Variants in DNAH10 observed in about 807,000 individuals in gnomAD.
The protein encoded by DNAH10 is dynein axonemal heavy chain 10, also known as axonemal beta dynein heavy chain 10.
Under a neutral mutation model 506.6 loss-of-function variants are expected in DNAH10, and 348 were observed. The observed-to-expected ratio is 0.69, with a 90% CI of 0.63 to 0.75. The LOEUF is 0.75. Among genes scored for constraint, DNAH10 ranks in the 30% least tolerant of loss-of-function variants. DNAH10 has a pLI of 0.00. For missense variants in DNAH10, 5,179 were observed against 5,787.1 expected (o/e 0.89, Z 3.41); for synonymous variants, 2,059 against 2,198.6 (o/e 0.94, Z 1.78).
Position 123,841,361 on chromosome 12 carries a change from G to A in DNAH10, c.5176G>A (p.Asp1726Asn), listed in dbSNP as rs774475588. 8 of 1,613,888 alleles carry A rather than the reference G, an allele frequency of 5.0e-6. No individual in the cohort carries two copies. Among genetic ancestry groups the A allele is most frequent in the South Asian group, 1.1e-5 (1 of 91,082 alleles). The change falls in exon 30 of 79, where the codon GAT (aspartate) becomes AAT (asparagine). Residue 1726 changes from aspartate to asparagine, a missense_variant. Physicochemically the swap from Asp to Asn is conservative, Grantham distance 23. This residue lies in a region of DNAH10 where 4,844 missense variants were observed against 5,430.5 expected (regional missense o/e 0.89). Transcript: ENST00000673944. ...NIASLRFNDG[D>N]SGEKLVSAMI... The stretch of plus-strand genomic sequence containing the variant: ...AGCATCACTGAGGTTTAATGACGGC[G>A]ATAGTGGAGAAAAACTGGTGTCCGC...
intron 37 of DNAH10, among the ~76,000 whole-genome samples, chr12:123,857,463 C>T (rs1951441093): frequency 6.6e-6 from 1 of 152,244 alleles, no homozygotes. Context: ...GGCACAGTGG[C>T]TTACGCCTGT....
chr12:123,931,208 C>T (rs569752208), intron 73 of DNAH10, 133 bp from the exon 74 acceptor site: 1 of 1,292,344 alleles, frequency 7.7e-7, no homozygotes, highest in Admixed American at 2.8e-5. Flanking sequence ...AAGACCCTGT[C>T]TCAAAAAAAA....
At chr12:123,859,345 TC>T in intron 38 of DNAH10, 77 bp downstream of exon 38, 1 of 1,185,812 alleles carries the variant, frequency 8.4e-7, no homozygotes, top group Non-Finnish European at 1.1e-6. Context: ...TATTACCAAG[TC>T]CCACTTTGCT....
At chr12:123,867,100 G>T (rs1466833522) in intron 41 of DNAH10, among the ~76,000 whole-genome samples, 1 of 152,328 alleles carries the variant, frequency 6.6e-6, no homozygotes, top group East Asian at 1.9e-4. Flanking sequence ...GTGGTGATTG[G>T]TGCTTTGATA....
chr12:123,793,837 G>T (rs1958177410), intron 11 of DNAH10, 105 bp from the exon 12 acceptor site: 1 of 929,386 alleles, frequency 1.1e-6, no homozygotes, highest in Non-Finnish European at 1.4e-6. Context: ...TTATGCCATA[G>T]AAATCTGTCC....
chr12:123,891,324 C>CA (rs1325015112), intron 52 of DNAH10, among the ~76,000 whole-genome samples: 1 of 152,174 alleles, frequency 6.6e-6, no homozygotes, highest in Non-Finnish European at 1.5e-5. Flanking sequence ...TCTGTAAAGA[C>CA]AATTTCCAAA....
rs1956875519 is a variant in DNAH10 at position 123,762,750 on chromosome 12, C to A, written c.214+200C>A. ...CGTCCCTGCCCTCCTGGGCCCACAG[C>A]CCACTTGAAAGTCAGGCCTTGATTG... On this transcript the variant is annotated intron_variant, in intron 1 of 78. Coordinates refer to ENST00000673944, the MANE Select transcript of DNAH10 (RefSeq NM_001372106.1). The surrounding 1 kb of genome is among the most constrained non-coding windows in gnomAD (Gnocchi z 5.0). 6.6e-6 allele frequency among the ~76,000 whole-genome samples: 1 copy of A among 152,240 alleles called. No individual in the cohort carries two copies. Among genetic ancestry groups the A allele is most frequent in the African/African-American group, 2.4e-5 (1 of 41,470 alleles).
At chr12:123,772,437 A>G (rs1385160555) in intron 3 of DNAH10, among the ~76,000 whole-genome samples, 1 of 152,218 alleles carries the variant, frequency 6.6e-6, no homozygotes, top group African/African-American at 2.4e-5. Context: ...AGACCTGCTA[A>G]ATGAACCCTG....
Position 123,848,118 on chromosome 12 carries a change from G to T in DNAH10, c.5949+23G>T, listed in dbSNP as rs189111455. ...AGGGTAAGGCCTGGCTGTCACCTTTGGTACTGGCTCATTAGGCAGAGAGCT... is the reference window on the plus strand; with the variant it reads ...AGGGTAAGGCCTGGCTGTCACCTTTTGTACTGGCTCATTAGGCAGAGAGCT... On this transcript the variant is annotated intron_variant, in intron 33 of 78. Coordinates refer to ENST00000673944, the MANE Select transcript of DNAH10 (RefSeq NM_001372106.1). 4.4e-4 allele frequency: 709 copies of T among 1,602,462 alleles called. No individual in the cohort carries two copies. In the African/African-American group the frequency reaches 8.3e-3, roughly 19 times the overall value.
chr12:123,898,618 C>T, intron 55 of DNAH10, 35 bp from the exon 56 acceptor site: 2 of 1,470,754 alleles, frequency 1.4e-6, no homozygotes, highest in Non-Finnish European at 1.8e-6. Context: ...ACAGTGGCCA[C>T]CTCGACGATG....
intron 16 of DNAH10, among the ~76,000 whole-genome samples, chr12:123,802,372 C>G (rs899854914): frequency 6.6e-6 from 1 of 152,170 alleles, no homozygotes; most frequent in Non-Finnish European, 1.5e-5. Context: ...GTGGGGCAAT[C>G]TCAGCTCACT....
chr12:123,865,906 C>T, intron 40 of DNAH10, 45 bp from the exon 41 acceptor site: 1 of 1,529,374 alleles, frequency 6.5e-7, no homozygotes, highest in Non-Finnish European at 8.8e-7. Context: ...TCTAGTTTAT[C>T]TTGTGTATAG....
intron 52 of DNAH10, among the ~76,000 whole-genome samples, chr12:123,891,812 C>T (rs962642836): frequency 1.3e-5 from 2 of 152,162 alleles, no homozygotes; most frequent in African/African-American, 4.8e-5. Context: ...TGAGTCATTA[C>T]AGCAAAAGGA....
chr12:123,787,921 GTGGGAGTT>G lies in DNAH10; in HGVS notation c.1542_1549del (p.Trp514Ter). The G allele has an allele frequency of 6.2e-7, 1 of 1,610,020 alleles. No individual in the cohort carries two copies. Among genetic ancestry groups the G allele is most frequent in the Non-Finnish European group, 8.5e-7 (1 of 1,178,326 alleles). On this transcript the variant is annotated frameshift_variant, in exon 10 of 79. Transcript: ENST00000673944. LOFTEE classifies it high-confidence loss of function. The surrounding 1 kb of genome is among the most constrained non-coding windows in gnomAD (Gnocchi z 4.6). ...TAGAGGCTTCGGGGAGGGAAGATCG[GTGGGAGTT>G]TGACCGGAAGCGGCTGTTCGAGAGG...
At chr12:123,783,799 T>C (rs552783180) in intron 7 of DNAH10, 148 bp from the exon 8 acceptor site, 1 of 671,788 alleles carries the variant, frequency 1.5e-6, no homozygotes, top group African/African-American at 1.8e-5. Context: ...TTCACTATGA[T>C]TGGACCACCC....
At chr12:123,874,598 T>A (rs12582169) in intron 46 of DNAH10, among the ~76,000 whole-genome samples, 9 of 139,972 alleles carry the variant, frequency 6.4e-5, no homozygotes, top group Non-Finnish European at 1.3e-4. Flanking sequence ...CATCCATCCA[T>A]CCATCTACCC....
In DNAH10 at chr12:123,787,796, C is replaced by T. The variant is rs760505364; in HGVS notation, c.1422-8C>T. On this transcript the variant is annotated splice_polypyrimidine_tract_variant and splice_region_variant and intron_variant, in intron 9 of 78. Transcript: ENST00000673944. The surrounding 1 kb of genome is among the most constrained non-coding windows in gnomAD (Gnocchi z 4.6). ...CTCCTCCCATCACGGCATCTCTTGG[C>T]TTCGCAGAGAAAATCGAGCGAGTGC... The T allele has an allele frequency of 3.1e-6, 5 of 1,612,280 alleles. No individual in the cohort carries two copies. The South Asian group carries it at 5.5e-5, about 18-fold the overall frequency.
At position 123,913,009 on chromosome 12, in the gene DNAH10, G is replaced by A. The variant is rs1954299104; in HGVS notation, c.10135-89G>A. On this transcript the variant is annotated intron_variant, in intron 59 of 78. Transcript: ENST00000673944. The surrounding 1 kb of genome is among the most constrained non-coding windows in gnomAD (Gnocchi z 5.1). ...GAAAAGCACAGACACCATTAGAGCA[G>A]TTTAGACATGTGGCCTGGTTTGAGG... The A allele has an allele frequency of 4.7e-6, 6 of 1,280,172 alleles. No homozygotes were observed. Among genetic ancestry groups the A allele is most frequent in the Non-Finnish European group, 5.4e-6 (5 of 920,600 alleles). 79.3% of individuals were successfully genotyped at this position (1,280,172 alleles called of 1,614,324 possible).
chr12:123,908,993 C>G (rs531320499), intron 57 of DNAH10, among the ~76,000 whole-genome samples: 1 of 152,170 alleles, frequency 6.6e-6, no homozygotes, highest in African/African-American at 2.4e-5. Context: ...CCAGACGCTC[C>G]GGGGACGGCC....
Sources: gnomAD v4.1 joint callset for allele counts (sites outside exome capture counted in the v4.1 genomes callset) on GRCh38, gnomAD v4.1.1 for gene constraint, gnomAD v4.1.1 regional missense constraint, Gnocchi (gnomAD v3.1) non-coding constraint, MANE v1.5 for transcripts, NCBI Gene and HGNC (gene_info 2026-07-23, HGNC 2026-07-21) for gene names.